ARHGAP40: variants seen among roughly 807,000 people sequenced by gnomAD.
ARHGAP40 encodes Rho GTPase activating protein 40.
Under a neutral mutation model 73.5 loss-of-function variants are expected in ARHGAP40, and 43 were observed. That is an observed-to-expected ratio of 0.58 (90% CI 0.46 to 0.75). The LOEUF (loss-of-function observed/expected upper bound fraction) is 0.75, where lower values mean the gene tolerates loss of function less well. Among genes scored for constraint, ARHGAP40 ranks in the 30% least tolerant of loss-of-function variants. The pLI, the probability that ARHGAP40 is intolerant of heterozygous loss-of-function variation, is 0.00. For missense variants in ARHGAP40, 734 were observed against 861.8 expected (o/e 0.85, Z 1.86); for synonymous variants, 300 against 352.8 (o/e 0.85, Z 1.68).
At chr20:38,602,971 C>A (rs1375496852) in intron 1 of ARHGAP40, among the ~76,000 whole-genome samples, 1 of 152,198 alleles carries the variant, frequency 6.6e-6, no homozygotes, top group Non-Finnish European at 1.5e-5. Context: ...CAGCAATGAA[C>A]ATCTCTGGGG....
intron 7 of ARHGAP40, 30 bp from the exon 8 acceptor site, chr20:38,638,731 G>T (rs770561095): frequency 1.2e-5 from 15 of 1,299,360 alleles, no homozygotes; most frequent in Middle Eastern, 2.1e-4. Flanking sequence ...AGCGGTTCCT[G>T]GTTTAAATGC....
intron 14 of ARHGAP40, 65 bp downstream of exon 14, chr20:38,648,763 C>T: frequency 8.0e-7 from 1 of 1,249,140 alleles, no homozygotes; most frequent in Non-Finnish European, 1.1e-6. Flanking sequence ...ACCTCAAAGG[C>T]TCACTGGGCC....
chr20:38,605,877 A>G (rs2088768161), intron 1 of ARHGAP40, among the ~76,000 whole-genome samples: 1 of 152,104 alleles, frequency 6.6e-6, no homozygotes, highest in East Asian at 1.9e-4. Context: ...AGACATAGAA[A>G]TCAACATTAT....
At chr20:38,623,316 C>T (rs1442389355) in intron 1 of ARHGAP40, 43 bp from the exon 2 acceptor site, 23 of 1,239,510 alleles carry the variant, frequency 1.9e-5, no homozygotes, top group Non-Finnish European at 2.3e-5. Flanking sequence ...CCATCATAAG[C>T]AGAGACTTGC....
intron 1 of ARHGAP40, among the ~76,000 whole-genome samples, chr20:38,607,397 G>C (rs2088777548): frequency 6.6e-6 from 1 of 152,172 alleles, no homozygotes; most frequent in South Asian, 2.1e-4. Context: ...AGGGGACCAG[G>C]CTGCCGCTGG....
At chr20:38,647,247 G>A in intron 13 of ARHGAP40, 121 bp downstream of exon 13, 2 of 899,266 alleles carry the variant, frequency 2.2e-6, no homozygotes, top group African/African-American at 1.8e-5. Flanking sequence ...CCCTTTCTGG[G>A]GTGGTCAGAT....
At position 38,634,634 on chromosome 20, in the gene ARHGAP40, CA is replaced by C; in HGVS notation, c.801del (p.Gly268AlafsTer5). 1.5e-6 allele frequency: 2 copies of C among 1,305,454 alleles called. No homozygotes were observed. Among genetic ancestry groups the C allele is most frequent in the Non-Finnish European group, 2.0e-6 (2 of 988,966 alleles). 80.9% of individuals were successfully genotyped at this position (1,305,454 alleles called of 1,614,324 possible). ...TCTATTAATAGAAGTTTACCGTCCC[CA>C]AAGGCAGACTTGGCGTGACGAGGAT... On this transcript the variant is annotated frameshift_variant, in exon 6 of 15. Transcript: ENST00000373345. LOFTEE classifies it high-confidence loss of function.
chr20:38,632,385 C>T (rs2088945834), intron 5 of ARHGAP40, among the ~76,000 whole-genome samples: 1 of 152,088 alleles, frequency 6.6e-6, no homozygotes, highest in Non-Finnish European at 1.5e-5. Flanking sequence ...GCCTCAGCCC[C>T]CGAGTAGCTG....
intron 5 of ARHGAP40, among the ~76,000 whole-genome samples, chr20:38,632,773 C>G (rs1002519911): frequency 6.6e-6 from 1 of 151,206 alleles, no homozygotes; most frequent in South Asian, 2.1e-4. Context: ...GCCAGAAATT[C>G]GAGACCAGCC....
chr20:38,611,584 A>AT (rs1213547505), intron 1 of ARHGAP40, among the ~76,000 whole-genome samples: 36 of 146,578 alleles, frequency 2.5e-4, no homozygotes, highest in African/African-American at 2.5e-4. Context: ...CACTTGGCTA[A>AT]TTTTTTTTTT....
chr20:38,619,171 G>A (rs935457789), intron 1 of ARHGAP40, among the ~76,000 whole-genome samples: 8 of 152,190 alleles, frequency 5.3e-5, no homozygotes, highest in African/African-American at 9.7e-5. Flanking sequence ...AAGGAGGTAC[G>A]TGAGACGAGG....
chr20:38,618,020 C>T (rs181566201), intron 1 of ARHGAP40, among the ~76,000 whole-genome samples: 48 of 152,254 alleles, frequency 3.2e-4, no homozygotes, highest in African/African-American at 1.1e-3. Flanking sequence ...TTTGGGGACT[C>T]CCCAAGGTGA....
At chr20:38,642,738 A>C (rs1024789265) in intron 10 of ARHGAP40, among the ~76,000 whole-genome samples, 2 of 125,702 alleles carry the variant, frequency 1.6e-5, no homozygotes, top group African/African-American at 2.8e-5. Context: ...CCTTCCATCC[A>C]TCCATCCCTC....
intron 1 of ARHGAP40, among the ~76,000 whole-genome samples, 181 bp from the exon 2 acceptor site, chr20:38,623,178 G>C (rs2088881827): frequency 6.6e-6 from 1 of 152,164 alleles, no homozygotes; most frequent in Non-Finnish European, 1.5e-5. Flanking sequence ...GGTTTCCAAG[G>C]ATCCCGCAGG....
chr20:38,647,019 C>T, exon 13 of ARHGAP40: 2 of 1,305,504 alleles, frequency 1.5e-6, no homozygotes, highest in African/African-American at 1.5e-5. Flanking sequence ...AGGTGCCTCT[C>T]ACCCCCAGCA....
intron 14 of ARHGAP40, among the ~76,000 whole-genome samples, chr20:38,649,120 T>C (rs1400906543): frequency 1.3e-5 from 2 of 152,190 alleles, no homozygotes; most frequent in Non-Finnish European, 2.9e-5. Context: ...GAACCAAGGA[T>C]GGGCCGCTGT....
intron 3 of ARHGAP40, among the ~76,000 whole-genome samples, chr20:38,628,222 T>C (rs1216722833): frequency 6.6e-6 from 1 of 152,214 alleles, no homozygotes. Context: ...GTCATGGCAC[T>C]GTGGGCATGT....
Position 38,629,622 on chromosome 20 carries a change from C to T in ARHGAP40, c.755C>T (p.Thr252Ile), listed in dbSNP as rs73101927. 3,762 of 1,305,410 alleles carry T rather than the reference C, an allele frequency of 2.9e-3. 15 individuals are homozygous for T. Among genetic ancestry groups the T allele is most frequent in the South Asian group, 5.5e-3 (448 of 81,030 alleles). 80.9% of individuals were successfully genotyped at this position (1,305,410 alleles called of 1,614,324 possible). The change falls in exon 5 of 15, where the codon ACC becomes ATC. Residue 252 changes from threonine (T) to isoleucine (I), a missense_variant. By Grantham distance (89) the Thr-to-Ile change is moderately conservative. Coordinates refer to ENST00000373345, the Ensembl canonical transcript of ARHGAP40. ...AGGAGCAGGCCATCCCGGGGAGGCA[C>T]CTCTGCCTGGGGCAAGTGTTCCCTG...
At chr20:38,639,128 C>A (rs779415994) in intron 8 of ARHGAP40, 99 bp from the exon 9 acceptor site, 29 of 1,206,292 alleles carry the variant, frequency 2.4e-5, no homozygotes, top group Non-Finnish European at 3.1e-5. Context: ...CTTGTTGTCC[C>A]CACTTTGCAG....
Sources: gnomAD v4.1 joint callset for allele counts (sites outside exome capture counted in the v4.1 genomes callset) on GRCh38, gnomAD v4.1.1 for gene constraint, MANE v1.5 for transcripts, NCBI Gene and HGNC (gene_info 2026-07-23, HGNC 2026-07-21) for gene names.